The following YEATS2 variants were observed in gnomAD, a reference collection of about 807,000 sequenced individuals.
YEATS2 encodes YEATS domain containing 2, also known as YEATS domain-containing protein 2.
Under a neutral mutation model 163.2 loss-of-function variants are expected in YEATS2, and 77 were observed. The observed-to-expected ratio is 0.47, with a 90% CI of 0.39 to 0.57. The LOEUF (loss-of-function observed/expected upper bound fraction) is 0.57, where lower values mean the gene tolerates loss of function less well. YEATS2 is among the 20% of genes least tolerant of loss of function. The probability of loss-of-function intolerance (pLI) is 0.00; values close to 1 mark genes in which losing one functional copy is unlikely to be tolerated. For synonymous variants in YEATS2, 631 were observed against 645.1 expected, an observed-to-expected ratio of 0.98 and a Z score of 0.33; for missense variants, 1,549 against 1,729.8, an observed-to-expected ratio of 0.90 and a Z score of 1.85.
chr3:183,755,392 C>T (rs528203567), intron 11 of YEATS2, among the ~76,000 whole-genome samples: 20 of 152,258 alleles, frequency 1.3e-4, no homozygotes, highest in African/African-American at 4.6e-4. Flanking sequence ...GCTCCGGTTA[C>T]AGGCGTGAGC....
At chr3:183,795,021 TA>T (rs1185260795) in intron 21 of YEATS2, among the ~76,000 whole-genome samples, 1 of 129,784 alleles carries the variant, frequency 7.7e-6, no homozygotes, top group East Asian at 2.3e-4. Context: ...AAAAAAAAAT[TA>T]GCTGGGCATG....
At chr3:183,715,546 A>G (rs1391056317) in intron 2 of YEATS2, among the ~76,000 whole-genome samples, 2 of 152,226 alleles carry the variant, frequency 1.3e-5, no homozygotes, top group East Asian at 3.8e-4. Flanking sequence ...TATGATATGT[A>G]TAAAGGTGTG....
At chr3:183,791,782 C>G (rs111972388) in intron 21 of YEATS2, among the ~76,000 whole-genome samples, 9,439 of 152,176 alleles carry the variant, frequency 0.062, 421 homozygotes, top group South Asian at 0.16. Flanking sequence ...GGCTGGAGAT[C>G]CAGTAAGAGC....
At chr3:183,807,280 C>A (rs1203006638) in intron 28 of YEATS2, 188 bp downstream of exon 28, 2 of 585,948 alleles carry the variant, frequency 3.4e-6, no homozygotes, top group African/African-American at 1.9e-5. Flanking sequence ...CTCAGGGCTC[C>A]CACCGTCCCA....
chr3:183,718,492 G>C lies in YEATS2; in HGVS notation c.199-8G>C. 2.5e-6 allele frequency: 4 copies of C among 1,598,364 alleles called. No individual in the cohort carries two copies. The highest frequency in any genetic ancestry group is 3.4e-6 in the Non-Finnish European group (4 of 1,172,102). On this transcript the variant is annotated splice_region_variant and splice_polypyrimidine_tract_variant and intron_variant, in intron 3 of 30. Coordinates refer to ENST00000305135, the MANE Select transcript of YEATS2 (RefSeq NM_018023.5). ...TTTTTAAAGTAATGAGTTAACATTT[G>C]TTTTTAGCGACTGATTGAAGCAAGA...
In YEATS2 at chr3:183,712,224, T is replaced by TTTATTTTATTTTA. The variant is rs1560220772; in HGVS notation, c.-19-2918_-19-2917insATTTTATTTTATT. On this transcript the variant is annotated intron_variant, in intron 1 of 30. Transcript: ENST00000305135. ...TTTATTTTATTTTATTTTATTTTATTTTTTGAGACAGAGTCTCACCCTGTC... is the reference window on the plus strand; with the variant it reads ...TTTATTTTATTTTATTTTATTTTATTTTATTTTATTTTATTTTGAGACAGAGTCTCACCCTGTC... Among the ~76,000 whole-genome samples the TTTATTTTATTTTA allele has an allele frequency of 3.0e-5, 4 of 133,302 alleles. No individual in the cohort carries two copies. The East Asian group carries it at 5.9e-4, about 20-fold the overall frequency. The allele number at this position is 133,302 out of a possible 152,430, so 87.5% of individuals were successfully genotyped here.
At chr3:183,717,827 A>T in intron 3 of YEATS2, 79 bp downstream of exon 3, 2 of 700,790 alleles carry the variant, frequency 2.9e-6, no homozygotes, top group Non-Finnish European at 4.1e-6. Flanking sequence ...ATCTATTGAG[A>T]TGGAGTCACA....
At chr3:183,774,667 A>C (rs903912485) in intron 17 of YEATS2, among the ~76,000 whole-genome samples, 1 of 152,326 alleles carries the variant, frequency 6.6e-6, no homozygotes, top group Non-Finnish European at 1.5e-5. Flanking sequence ...GGCAGTGTTG[A>C]AAAGGATAGG....
chr3:183,746,477 T>C (rs1719548604), intron 8 of YEATS2, among the ~76,000 whole-genome samples: 1 of 152,200 alleles, frequency 6.6e-6, no homozygotes, highest in South Asian at 2.1e-4. Context: ...CCTGTTCCTG[T>C]TACATTTCTT....
rs143473253 is a variant in YEATS2 at position 183,789,525 on chromosome 3, ATTTTTTTTT to A, written c.2914-1252_2914-1244del. ...TTAGGTTTCAGATTCATTCGAGTTA[ATTTTTTTTT>A]TTTTTTTTTTTTTTTTTTTGAGACA... is the stretch of plus-strand genomic sequence containing the variant. On this transcript the variant is annotated intron_variant, in intron 20 of 30. Coordinates refer to ENST00000305135, the MANE Select transcript of YEATS2 (RefSeq NM_018023.5). 6.6e-4 allele frequency among the ~76,000 whole-genome samples: 44 copies of A among 66,350 alleles called. No homozygotes were observed. The East Asian group carries it at 9.9e-3, about 15-fold the overall frequency. 43.5% of individuals were successfully genotyped at this position (66,350 alleles called of 152,430 possible). A position where few individuals can be genotyped will look rare whatever the true frequency, so the allele number is the denominator to read the frequency against.
intron 30 of YEATS2, 144 bp from the exon 31 acceptor site, chr3:183,810,331 G>C: frequency 1.5e-6 from 1 of 661,316 alleles, no homozygotes; most frequent in Non-Finnish European, 2.7e-6. Context: ...TCACCCCAGA[G>C]TGGCCCTAAG....
intron 7 of YEATS2, among the ~76,000 whole-genome samples, chr3:183,729,808 C>T (rs1025547782): frequency 6.6e-6 from 1 of 151,944 alleles, no homozygotes; most frequent in Non-Finnish European, 1.5e-5. Flanking sequence ...CTGCCTCAGC[C>T]TCCCAAGTAG....
chr3:183,772,586 G>A (rs373147258), intron 16 of YEATS2, 23 bp downstream of exon 16: 6 of 1,610,284 alleles, frequency 3.7e-6, no homozygotes, highest in South Asian at 3.3e-5. Context: ...ATCACTGGGA[G>A]CCCTTTCAGC....
At chr3:183,725,709 A>G (rs1717020020) in intron 6 of YEATS2, among the ~76,000 whole-genome samples, 1 of 152,224 alleles carries the variant, frequency 6.6e-6, no homozygotes, top group Non-Finnish European at 1.5e-5. Flanking sequence ...ACGTGTGGGA[A>G]TTCTGCAAGC....
In YEATS2 at chr3:183,791,113, A is replaced by G. The variant is rs906082719; in HGVS notation, c.3097+133A>G. ...CAATATCACAATCTCGACTCACTGC[A>G]ACCTCTGCCTTCCAGGCTCAAGCCA... On this transcript the variant is annotated intron_variant, in intron 21 of 30. Coordinates refer to ENST00000305135, the MANE Select transcript of YEATS2 (RefSeq NM_018023.5). 7 of 1,222,126 alleles carry G rather than the reference A, an allele frequency of 5.7e-6. No homozygotes were observed. The African/African-American group carries it at 1.1e-4, about 19-fold the overall frequency. 75.7% of individuals were successfully genotyped at this position (1,222,126 alleles called of 1,614,324 possible).
chr3:183,799,178 T>C (rs1007233016), intron 23 of YEATS2, among the ~76,000 whole-genome samples, 189 bp downstream of exon 23: 12 of 152,342 alleles, frequency 7.9e-5, no homozygotes, highest in Middle Eastern at 3.4e-3. Flanking sequence ...GACTTAACAT[T>C]GAGGGAAACA....
intron 8 of YEATS2, among the ~76,000 whole-genome samples, chr3:183,742,774 T>C (rs867408025): frequency 1.1e-4 from 16 of 152,350 alleles, no homozygotes; most frequent in African/African-American, 1.4e-4. Context: ...TCAAACAGCA[T>C]TGAATGCTAC....
chr3:183,795,455 A>ATTTTTTTT (rs573338439), intron 21 of YEATS2, among the ~76,000 whole-genome samples: 1 of 79,900 alleles, frequency 1.3e-5, no homozygotes, highest in African/African-American at 4.3e-5. Context: ...CACGGGACTA[A>ATTTTTTTT]TTTTTTTTTT....
intron 15 of YEATS2, among the ~76,000 whole-genome samples, chr3:183,771,970 T>A (rs964700438): frequency 1.3e-5 from 2 of 151,968 alleles, no homozygotes; most frequent in African/African-American, 4.8e-5. Flanking sequence ...CAAATGCTCC[T>A]CCTGCCTTGG....
Sources: gnomAD v4.1 joint callset for allele counts (sites outside exome capture counted in the v4.1 genomes callset) on GRCh38, gnomAD v4.1.1 for gene constraint, MANE v1.5 for transcripts, NCBI Gene and HGNC (gene_info 2026-07-23, HGNC 2026-07-21) for gene names.